Variants in VEGFC observed in about 807,000 individuals in gnomAD.
VEGFC encodes the protein FLT4 ligand DHM.
A neutral mutation model predicts 46.1 loss-of-function variants in VEGFC; 12 were observed. The observed-to-expected ratio is 0.26, with a 90% CI of 0.17 to 0.42. The LOEUF is 0.42. Among genes scored for constraint, VEGFC ranks in the 10% least tolerant of loss-of-function variants. VEGFC has a pLI of 1.00. For missense variants in VEGFC, 488 were observed against 529.4 expected, an observed-to-expected ratio of 0.92 and a Z score of 0.77; for synonymous variants, 232 against 195.5, an observed-to-expected ratio of 1.19 and a Z score of -1.56.
At chr4:176,706,377 C>A (rs1254379378) in intron 4 of VEGFC, among the ~76,000 whole-genome samples, 1 of 151,798 alleles carries the variant, frequency 6.6e-6, no homozygotes, top group Non-Finnish European at 1.5e-5. Context: ...GCCTGCAATC[C>A]CAGCACTTTG....
At chr4:176,721,262 C>A (rs573120853) in intron 3 of VEGFC, among the ~76,000 whole-genome samples, 1 of 152,132 alleles carries the variant, frequency 6.6e-6, no homozygotes, top group African/African-American at 2.4e-5. Context: ...ATTCAAAACA[C>A]TAACAACTTA....
At chr4:176,704,853 T>C (rs1281552861) in intron 4 of VEGFC, among the ~76,000 whole-genome samples, 1 of 152,186 alleles carries the variant, frequency 6.6e-6, no homozygotes, top group Non-Finnish European at 1.5e-5. Flanking sequence ...TGTAGCCATG[T>C]CTCCAAGATG....
chr4:176,779,178 C>T (rs955028328), intron 1 of VEGFC, among the ~76,000 whole-genome samples: 7 of 151,806 alleles, frequency 4.6e-5, no homozygotes, highest in Non-Finnish European at 2.9e-5. Flanking sequence ...GGAAGATGTA[C>T]AATTAGAGAT....
intron 1 of VEGFC, among the ~76,000 whole-genome samples, chr4:176,758,018 T>C (rs1031600432): frequency 7.2e-5 from 11 of 152,128 alleles, no homozygotes; most frequent in African/African-American, 2.7e-4. Flanking sequence ...AAATTATGTA[T>C]TCTACTTCTC....
rs2110922841 is a variant in VEGFC at position 176,768,494 on chromosome 4, A to ATATATATATATATATG, written c.147+23670_147+23671insCATATATATATATATA. Among the ~76,000 whole-genome samples, 2 of 139,152 alleles carry ATATATATATATATATG rather than the reference A, an allele frequency of 1.4e-5. 1 individual carries two copies. Among genetic ancestry groups the ATATATATATATATATG allele is most frequent in the South Asian group, 4.7e-4 (2 of 4,218 alleles). 91.3% of individuals were successfully genotyped at this position (139,152 alleles called of 152,430 possible). On this transcript the variant is annotated intron_variant, in intron 1 of 6. Coordinates refer to ENST00000618562, the MANE Select transcript of VEGFC (RefSeq NM_005429.5). ...CCAAGTAAGAGGATGTTTTATACAT[A>ATATATATATATATATG]TATATATATATATATATATTTCAAA... is the stretch of plus-strand genomic sequence containing the variant.
chr4:176,742,995 AG>A (rs1735201977), intron 1 of VEGFC, among the ~76,000 whole-genome samples: 1 of 152,080 alleles, frequency 6.6e-6, no homozygotes, highest in Admixed American at 6.6e-5. Flanking sequence ...AGCGAACTAC[AG>A]AAGCGAGCCC....
rs1212176207 is a variant in VEGFC, at chr4:176,739,344, A to C, written c.148-9598T>G. On this transcript the variant is annotated intron_variant, in intron 1 of 6. Coordinates refer to ENST00000618562, the MANE Select transcript of VEGFC (RefSeq NM_005429.5). Reference sequence around the variant, plus strand: ...ATATAAATCATTATATTACAAAATCATTGCCCATCAATGATAGACTGGATA... The same window carrying C: ...ATATAAATCATTATATTACAAAATCCTTGCCCATCAATGATAGACTGGATA... Among the ~76,000 whole-genome samples, 5 of 152,004 alleles carry C rather than the reference A, an allele frequency of 3.3e-5. 1 individual carries two copies. Among genetic ancestry groups the C allele is most frequent in the South Asian group, 4.1e-4 (2 of 4,822 alleles).
chr4:176,744,936 C>T (rs1360480759), intron 1 of VEGFC, among the ~76,000 whole-genome samples: 1 of 152,036 alleles, frequency 6.6e-6, no homozygotes, highest in South Asian at 2.1e-4. Flanking sequence ...ATTCCAAAAT[C>T]CCCTAACTTT....
At chr4:176,710,529 C>A (rs1291750684) in intron 4 of VEGFC, among the ~76,000 whole-genome samples, 1 of 152,162 alleles carries the variant, frequency 6.6e-6, no homozygotes, top group Non-Finnish European at 1.5e-5. Context: ...CAGAGTAGTA[C>A]AACGTGATTC....
At chr4:176,748,922 G>A (rs935951665) in intron 1 of VEGFC, among the ~76,000 whole-genome samples, 14 of 151,644 alleles carry the variant, frequency 9.2e-5, no homozygotes, top group African/African-American at 3.4e-4. Context: ...AAAGACTGTT[G>A]GAATAAAACC....
At chr4:176,745,462 C>A (rs73872171) in intron 1 of VEGFC, among the ~76,000 whole-genome samples, 6,897 of 152,084 alleles carry the variant, frequency 0.045, 477 homozygotes, top group African/African-American at 0.16. Context: ...TCTGCCTTCA[C>A]TGCCTGACTA....
intron 1 of VEGFC, among the ~76,000 whole-genome samples, chr4:176,763,111 G>A (rs1036312223): frequency 2.0e-5 from 3 of 152,318 alleles, no homozygotes; most frequent in African/African-American, 4.8e-5. Flanking sequence ...TGTGTGGTTC[G>A]AGCAGACTTA....
intron 1 of VEGFC, among the ~76,000 whole-genome samples, chr4:176,734,176 G>A (rs1735016992): frequency 1.3e-5 from 2 of 151,718 alleles, no homozygotes; most frequent in African/African-American, 2.4e-5. Context: ...CCATTTATAA[G>A]ACAGTGAGTA....
At chr4:176,706,678 A>C (rs1199837916) in intron 4 of VEGFC, among the ~76,000 whole-genome samples, 1 of 150,686 alleles carries the variant, frequency 6.6e-6, no homozygotes, top group African/African-American at 2.4e-5. Context: ...TTTGAAACCT[A>C]AGCTACTTAA....
intron 1 of VEGFC, among the ~76,000 whole-genome samples, chr4:176,748,934 T>C (rs1037475578): frequency 7.2e-5 from 11 of 151,872 alleles, no homozygotes; most frequent in African/African-American, 2.2e-4. Flanking sequence ...AATAAAACCA[T>C]ATGGAATATA....
At chr4:176,786,221 A>T (rs981278962) in intron 1 of VEGFC, among the ~76,000 whole-genome samples, 35 of 152,164 alleles carry the variant, frequency 2.3e-4, no homozygotes, top group Non-Finnish European at 2.9e-4. Context: ...CATACCACTA[A>T]AGAATCTTCA....
At chr4:176,791,352 G>C (rs1736087857) in intron 1 of VEGFC, among the ~76,000 whole-genome samples, 1 of 152,156 alleles carries the variant, frequency 6.6e-6, no homozygotes, top group Non-Finnish European at 1.5e-5. Flanking sequence ...TTTTGGAAGA[G>C]CCAGTAAGAA....
chr4:176,727,687 A>C (rs1734894882), intron 3 of VEGFC, 91 bp downstream of exon 3: 3 of 1,372,128 alleles, frequency 2.2e-6, no homozygotes, highest in Middle Eastern at 2.3e-4. Flanking sequence ...AAGTTAGTTT[A>C]AAGCAACCAG....
intron 1 of VEGFC, among the ~76,000 whole-genome samples, chr4:176,765,955 GA>G (rs980093287): frequency 6.6e-6 from 1 of 151,270 alleles, no homozygotes; most frequent in African/African-American, 2.4e-5. Context: ...GGGTAATATG[GA>G]AAAAAATCTT....
Sources: allele counts gnomAD v4.1 joint callset (sites outside exome capture counted in the v4.1 genomes callset), GRCh38; gene constraint gnomAD v4.1.1; transcripts MANE v1.5; gene names NCBI Gene and HGNC (gene_info 2026-07-23, HGNC 2026-07-21).